The following LINGO2 variants were observed in gnomAD, a reference collection of about 807,000 sequenced individuals.
LINGO2 encodes the protein leucine-rich repeat and immunoglobulin-like domain-containing nogo receptor-interacting protein 2.
A neutral mutation model predicts 30.6 loss-of-function variants in LINGO2; 14 were observed. The observed-to-expected ratio is 0.46, with a 90% CI of 0.30 to 0.72. LINGO2 has a LOEUF of 0.72. LINGO2 is among the 30% of genes least tolerant of loss of function. The probability of loss-of-function intolerance (pLI) is 0.07; values close to 1 mark genes in which losing one functional copy is unlikely to be tolerated. For synonymous variants in LINGO2, 317 were observed against 288.5 expected (o/e 1.10, Z -1.00); for missense variants, 729 against 751.7 (o/e 0.97, Z 0.35).
chr9:28,805,678 C>T, the LINGO2 span, among the ~76,000 whole-genome samples: 1 of 152,128 alleles, frequency 6.6e-6, no homozygotes, highest in African/African-American at 2.4e-5. Context: ...GACTCTGAAA[C>T]TTGCTGGAAA....
At chr9:29,118,071 G>A in the LINGO2 span, among the ~76,000 whole-genome samples, 2 of 152,038 alleles carry the variant, frequency 1.3e-5, no homozygotes, top group African/African-American at 4.8e-5. Flanking sequence ...GATCTCCATG[G>A]AAATGGCCAC....
chr9:28,520,783 T>C (rs1357398431), intron 1 of LINGO2, among the ~76,000 whole-genome samples: 1 of 152,214 alleles, frequency 6.6e-6, no homozygotes, highest in African/African-American at 2.4e-5. Context: ...TACTATATTT[T>C]TACATTTAGT....
the LINGO2 span, among the ~76,000 whole-genome samples, chr9:29,057,816 T>TTAG: frequency 5.7e-4 from 86 of 152,094 alleles, no homozygotes; most frequent in African/African-American, 1.9e-3. Flanking sequence ...GGTTGGGAGA[T>TTAG]ATTAGAGTTC....
the LINGO2 span, among the ~76,000 whole-genome samples, chr9:29,080,281 G>A: frequency 1.8e-4 from 27 of 152,058 alleles, no homozygotes; most frequent in South Asian, 4.8e-3. Context: ...CTGTGGGATC[G>A]GTGGTGATAT....
At chr9:28,219,105 A>T (rs1294986783) in intron 4 of LINGO2, among the ~76,000 whole-genome samples, 2 of 152,148 alleles carry the variant, frequency 1.3e-5, no homozygotes, top group African/African-American at 2.4e-5. Flanking sequence ...GAACCAGGAC[A>T]ACTTGACCCT....
the LINGO2 span, among the ~76,000 whole-genome samples, chr9:28,877,044 G>A: frequency 1.3e-5 from 2 of 150,972 alleles, no homozygotes; most frequent in Non-Finnish European, 2.9e-5. Flanking sequence ...CTGCATAAAT[G>A]TCTTCTTTTG....
At chr9:28,645,843 C>T (rs1827813187) in intron 1 of LINGO2, among the ~76,000 whole-genome samples, 1 of 151,974 alleles carries the variant, frequency 6.6e-6, no homozygotes, top group Non-Finnish European at 1.5e-5. Flanking sequence ...TCAGAAGTGC[C>T]TTATTAGGCA....
chr9:28,901,243 T>G, the LINGO2 span, among the ~76,000 whole-genome samples: 2 of 152,042 alleles, frequency 1.3e-5, no homozygotes, highest in East Asian at 3.9e-4. Flanking sequence ...GAAGGAGATA[T>G]AAAGACTTTC....
the LINGO2 span, among the ~76,000 whole-genome samples, chr9:29,043,264 G>T: frequency 6.6e-6 from 1 of 151,924 alleles, no homozygotes; most frequent in Admixed American, 6.6e-5. Flanking sequence ...CAGAAAAAGT[G>T]CTGACATAGG....
chr9:28,556,971 C>T (rs1269145987), intron 1 of LINGO2, among the ~76,000 whole-genome samples: 1 of 152,066 alleles, frequency 6.6e-6, no homozygotes, highest in African/African-American at 2.4e-5. Flanking sequence ...TAGATCCCTT[C>T]CTTACACCTT....
In LINGO2 at chr9:28,230,504, C is replaced by A. The variant is rs1050430130; in HGVS notation, c.-87+64704G>T. 9.1e-4 allele frequency among the ~76,000 whole-genome samples: 138 copies of A among 151,826 alleles called. 2 individuals carry two copies. The Middle Eastern group carries it at 0.01, about 11-fold the overall frequency. On this transcript the variant is annotated intron_variant, in intron 4 of 5. Transcript: ENST00000379992. Reference sequence around the variant, plus strand: ...TCATTTGATATTTGGTAAGGTAAATCCCATCTTAACTAATTTAAAATATAC... The same window carrying A: ...TCATTTGATATTTGGTAAGGTAAATACCATCTTAACTAATTTAAAATATAC...
chr9:29,101,880 A>G, the LINGO2 span, among the ~76,000 whole-genome samples: 1 of 152,200 alleles, frequency 6.6e-6, no homozygotes. Context: ...GTGGGAGTGC[A>G]GCCTGGCCCT....
chr9:29,060,695 T>C, the LINGO2 span, among the ~76,000 whole-genome samples: 1 of 151,510 alleles, frequency 6.6e-6, no homozygotes, highest in African/African-American at 2.4e-5. Flanking sequence ...AGAAGAGAAA[T>C]ATAAATCATT....
At chr9:28,289,468 T>C (rs982905198) in intron 4 of LINGO2, among the ~76,000 whole-genome samples, 2 of 152,122 alleles carry the variant, frequency 1.3e-5, no homozygotes, top group Non-Finnish European at 2.9e-5. Flanking sequence ...TCAAAATTAT[T>C]TGTGCATTTT....
At chr9:29,177,149 T>C in the LINGO2 span, among the ~76,000 whole-genome samples, 2 of 152,220 alleles carry the variant, frequency 1.3e-5, no homozygotes, top group Non-Finnish European at 2.9e-5. Flanking sequence ...AACCTGTTTC[T>C]TCCACTTAAA....
chr9:28,371,084 G>GC (rs1820877492), intron 3 of LINGO2, among the ~76,000 whole-genome samples: 1 of 152,116 alleles, frequency 6.6e-6, no homozygotes, highest in African/African-American at 2.4e-5. Flanking sequence ...TCAAATTTGG[G>GC]CCCCTTCACT....
intron 2 of LINGO2, among the ~76,000 whole-genome samples, chr9:28,403,279 A>G (rs942096010): frequency 1.3e-5 from 2 of 152,126 alleles, no homozygotes; most frequent in Non-Finnish European, 2.9e-5. Context: ...AGGTTCCTGT[A>G]GGAGATGAAT....
At chr9:27,959,365 C>T (rs1038299574) in intron 5 of LINGO2, among the ~76,000 whole-genome samples, 1 of 151,924 alleles carries the variant, frequency 6.6e-6, no homozygotes, top group Non-Finnish European at 1.5e-5. Context: ...AATTTTGGAC[C>T]TTTCTTCTTC....
At chr9:29,155,162 T>C in the LINGO2 span, among the ~76,000 whole-genome samples, 130 of 152,312 alleles carry the variant, frequency 8.5e-4, no homozygotes, top group Non-Finnish European at 1.4e-3. Context: ...TTGCCAACAT[T>C]GTGTTTCCAC....
Sources: allele counts gnomAD v4.1 joint callset (sites outside exome capture counted in the v4.1 genomes callset), GRCh38; gene constraint gnomAD v4.1.1; transcripts MANE v1.5; gene names NCBI Gene and HGNC (gene_info 2026-07-23, HGNC 2026-07-21).